The following ABCB4 variants were observed in gnomAD, a reference collection of about 807,000 sequenced individuals.
ABCB4 encodes the protein phosphatidylcholine translocator ABCB4.
Under a neutral mutation model 145.7 loss-of-function variants are expected in ABCB4, and 76 were observed. The ratio of observed to expected loss-of-function variants is 0.52; its 90% CI spans 0.43 to 0.63. The LOEUF is 0.63. ABCB4 is among the 30% of genes least tolerant of loss of function. ABCB4 has a pLI of 0.00. For synonymous variants in ABCB4, 517 were observed against 566.8 expected, an observed-to-expected ratio of 0.91 and a Z score of 1.25; for missense variants, 1,234 against 1,553.1, an observed-to-expected ratio of 0.79 and a Z score of 3.45.
At position 87,409,272 on chromosome 7, in the gene ABCB4, A is replaced by T; in HGVS notation, c.3045T>A (p.Pro1015=). ...CCTCTTCACTGTAGCTGTCAATCAG[A>T]GGTTGTCTTTCAAACAGCATGAATA... The part of the protein sequence containing the change: ...AHLFMLFERQ[P]LIDSYSEEGL... The change falls in exon 24 of 28, where the codon CCT becomes CCA. Residue 1015 remains proline, a synonymous_variant. Transcript: ENST00000649586. 3 of 1,614,124 alleles carry T rather than the reference A, an allele frequency of 1.9e-6. No individual in the cohort carries two copies. The highest frequency in any genetic ancestry group is 2.5e-6 in the Non-Finnish European group (3 of 1,179,988).
At chr7:87,391,680 TG>T in the ABCB4 span, 1 of 1,610,920 alleles carries the variant, frequency 6.2e-7, no homozygotes, top group African/African-American at 1.3e-5. Context: ...AGCAGTGAGG[TG>T]GTGCCAGTCC....
At chr7:87,406,234 T>G in intron 26 of ABCB4, 54 bp downstream of exon 26, 2 of 1,561,364 alleles carry the variant, frequency 1.3e-6, no homozygotes, top group Non-Finnish European at 1.8e-6. Flanking sequence ...ACTTTGGTAA[T>G]TGTTTGGGGG....
chr7:87,472,989 C>T (rs527744409), intron 2 of ABCB4, among the ~76,000 whole-genome samples: 1 of 152,176 alleles, frequency 6.6e-6, no homozygotes, highest in African/African-American at 2.4e-5. Flanking sequence ...TAAAAAAAAT[C>T]ATGATTTAAA....
At chr7:87,382,655 G>A in the ABCB4 span, 3 of 1,058,330 alleles carry the variant, frequency 2.8e-6, no homozygotes, top group Non-Finnish European at 4.1e-6. Flanking sequence ...TTTCCCAGCT[G>A]GTACTGTGTC....
At chr7:87,430,580 A>G (rs1810145776) in intron 15 of ABCB4, among the ~76,000 whole-genome samples, 2 of 152,104 alleles carry the variant, frequency 1.3e-5, no homozygotes. Context: ...GCTGGAGTGC[A>G]GTGGTGTAGT....
At chr7:87,456,828 G>A (rs45447097) in intron 4 of ABCB4, among the ~76,000 whole-genome samples, 34,606 of 151,500 alleles carry the variant, frequency 0.23, 5,257 homozygotes, top group African/African-American at 0.44. Flanking sequence ...CAGAGTCCCC[G>A]GGGAAACTCA....
the ABCB4 span, among the ~76,000 whole-genome samples, chr7:87,372,502 G>T: frequency 6.6e-6 from 1 of 152,174 alleles, no homozygotes; most frequent in South Asian, 2.1e-4. Context: ...TGCTTCATGG[G>T]CTGCATTCAG....
rs757015492 is a variant in ABCB4, at chr7:87,422,150, T to A, written c.2287A>T (p.Ile763Phe). 11 of 1,612,648 alleles carry A rather than the reference T, an allele frequency of 6.8e-6. No individual in the cohort carries two copies. Among genetic ancestry groups the A allele is most frequent in the Middle Eastern group, 1.6e-4 (1 of 6,080 alleles). ...IFSLIFLFLG[I>F]ISFFTFFLQG... is the part of the protein sequence containing the mutation. The stretch of plus-strand genomic sequence containing the variant: ...AGGAAGAAAGTAAAAAAAGAAATAA[T>A]TCCCAGAAATAAGAAAATCAAAGAG... The change falls in exon 18 of 28, where the codon ATT (isoleucine) becomes TTT (phenylalanine). Residue 763 changes from isoleucine (I) to phenylalanine (F), a missense_variant. Coordinates refer to ENST00000649586, the MANE Select transcript of ABCB4 (RefSeq NM_000443.4).
intron 23 of ABCB4, among the ~76,000 whole-genome samples, chr7:87,409,602 A>T (rs756765726): frequency 1.3e-5 from 2 of 152,170 alleles, no homozygotes; most frequent in Non-Finnish European, 2.9e-5. Flanking sequence ...CCTTTTCTCG[A>T]CTTGCTTTCT....
the ABCB4 span, among the ~76,000 whole-genome samples, chr7:87,374,943 C>T: frequency 1.3e-5 from 2 of 151,948 alleles, no homozygotes; most frequent in African/African-American, 4.8e-5. Context: ...TAAATTAAAG[C>T]TCTGTGGATT....
At chr7:87,454,408 A>G (rs1185799297) in intron 5 of ABCB4, 127 bp downstream of exon 5, 3 of 754,394 alleles carry the variant, frequency 4.0e-6, no homozygotes, top group East Asian at 5.5e-5. Flanking sequence ...GGGATTTGGG[A>G]GCAAAAATGA....
chr7:87,449,612 A>C (rs1389281087), intron 8 of ABCB4, among the ~76,000 whole-genome samples: 3 of 151,828 alleles, frequency 2.0e-5, no homozygotes, highest in African/African-American at 7.3e-5. Flanking sequence ...TAAAAAAAAA[A>C]AAAATTGTAG....
At chr7:87,390,987 G>A in the ABCB4 span, among the ~76,000 whole-genome samples, 1 of 152,188 alleles carries the variant, frequency 6.6e-6, no homozygotes, top group Admixed American at 6.5e-5. Context: ...TTTTCATGAG[G>A]TTGTAGTCAG....
intron 23 of ABCB4, among the ~76,000 whole-genome samples, chr7:87,410,555 A>G (rs918359850): frequency 6.6e-6 from 1 of 152,208 alleles, no homozygotes; most frequent in African/African-American, 2.4e-5. Context: ...GAATAATGTG[A>G]CTTTCCAACG....
chr7:87,378,641 A>G, the ABCB4 span, among the ~76,000 whole-genome samples: 1 of 152,222 alleles, frequency 6.6e-6, no homozygotes, highest in African/African-American at 2.4e-5. Context: ...GGAAATAGTC[A>G]GCTTCTTTGT....
At chr7:87,452,855 T>A in intron 6 of ABCB4, 89 bp downstream of exon 6, 1 of 1,422,820 alleles carries the variant, frequency 7.0e-7, no homozygotes, top group Non-Finnish European at 9.8e-7. Context: ...CTCAATCTAG[T>A]AACATTTTTC....
chr7:87,439,739 G>C lies in ABCB4; in HGVS notation c.1659C>G (p.Ile553Met). The change falls in exon 14 of 28, where the codon ATC (isoleucine) becomes ATG (methionine). Residue 553 changes from isoleucine (I) to methionine (M), a missense_variant. Ile to Met is a conservative substitution (Grantham distance 10). Coordinates refer to ENST00000649586, the MANE Select transcript of ABCB4 (RefSeq NM_000443.4). The stretch of plus-strand genomic sequence containing the variant: ...CTGACGTGGCCTCATCCAGCAGAAG[G>C]ATCTTGGGGTTGCGAACCAGGGCAC... Reference protein sequence around the residue: ...IARALVRNPKILLLDEATSAL... With the variant: ...IARALVRNPKMLLLDEATSAL... 1 of 1,614,166 alleles carries C rather than the reference G, an allele frequency of 6.2e-7. No homozygotes were observed. The highest frequency in any genetic ancestry group is 8.5e-7 in the Non-Finnish European group (1 of 1,180,022).
chr7:87,391,703 T>C, the ABCB4 span: 1 of 1,607,730 alleles, frequency 6.2e-7, no homozygotes, highest in Non-Finnish European at 8.5e-7. Context: ...TGCAGGATCC[T>C]TCTGTCAATG....
intron 4 of ABCB4, among the ~76,000 whole-genome samples, chr7:87,460,622 GTATT>G (rs3028335): frequency 0.1 from 15,349 of 148,232 alleles, 1,810 homozygotes; most frequent in African/African-American, 0.29. Context: ...ACACAATTTT[GTATT>G]TATTTATTTA....
Sources: allele counts gnomAD v4.1 joint callset (sites outside exome capture counted in the v4.1 genomes callset), GRCh38; gene constraint gnomAD v4.1.1; transcripts MANE v1.5; gene names NCBI Gene and HGNC (gene_info 2026-07-23, HGNC 2026-07-21).